Variants in DNAH3 observed in about 807,000 individuals in gnomAD.
The protein encoded by DNAH3 is axonemal beta dynein heavy chain 3.
In DNAH3, 332 loss-of-function variants were observed where a neutral mutation model predicts 432.5. The observed-to-expected ratio is 0.77, with a 90% CI of 0.70 to 0.84. The LOEUF (loss-of-function observed/expected upper bound fraction) is 0.84. Ranked by LOEUF, DNAH3 falls within the 40% of genes least tolerant of loss-of-function variation. The probability of loss-of-function intolerance (pLI) is 0.00; values close to 1 mark genes in which losing one functional copy is unlikely to be tolerated. For missense variants in DNAH3, 4,861 were observed against 5,114.0 expected, an observed-to-expected ratio of 0.95 and a Z score of 1.51; for synonymous variants, 1,956 against 1,900.2, an observed-to-expected ratio of 1.03 and a Z score of -0.76.
intron 15 of DNAH3, among the ~76,000 whole-genome samples, chr16:21,105,172 G>A (rs751752415): frequency 1.3e-5 from 2 of 152,138 alleles, no homozygotes; most frequent in Non-Finnish European, 1.5e-5. Flanking sequence ...GGCACAGCTC[G>A]TGAACATGCA....
At chr16:21,045,732 G>A (rs1247623167) in intron 31 of DNAH3, among the ~76,000 whole-genome samples, 3 of 151,486 alleles carry the variant, frequency 2.0e-5, no homozygotes, top group Non-Finnish European at 4.4e-5. Flanking sequence ...GAATGTGTTT[G>A]CTCTTGCTTT....
chr16:21,015,445 T>C (rs998715849), intron 41 of DNAH3, among the ~76,000 whole-genome samples: 4 of 152,218 alleles, frequency 2.6e-5, no homozygotes, highest in African/African-American at 9.6e-5. Context: ...TTTTGGGTTG[T>C]GTGAAACTAT....
chr16:21,068,446 C>T (rs1361342561), intron 23 of DNAH3, among the ~76,000 whole-genome samples: 1 of 151,926 alleles, frequency 6.6e-6, no homozygotes, highest in East Asian at 1.9e-4. Flanking sequence ...TTGGAATAGC[C>T]GGGATTACAG....
chr16:21,109,734 C>CA (rs2092027287), intron 14 of DNAH3, among the ~76,000 whole-genome samples: 1 of 143,634 alleles, frequency 7.0e-6, no homozygotes, highest in Admixed American at 7.0e-5. Flanking sequence ...ATACCTCTCT[C>CA]TTTTTTTTTT....
chr16:20,955,155 G>A, intron 54 of DNAH3, 98 bp from the exon 55 acceptor site: 1 of 1,251,712 alleles, frequency 8.0e-7, no homozygotes. Context: ...AAACAGACCA[G>A]CCTGGGTAAC....
chr16:21,102,197 G>A (rs2091854110), intron 16 of DNAH3, among the ~76,000 whole-genome samples: 1 of 152,156 alleles, frequency 6.6e-6, no homozygotes, highest in South Asian at 2.1e-4. Flanking sequence ...GGCCCCTGCT[G>A]TTAAGAGCTG....
chr16:20,975,452 C>T (rs770464495), intron 50 of DNAH3, 37 bp from the exon 51 acceptor site: 21 of 1,591,434 alleles, frequency 1.3e-5, no homozygotes, highest in Admixed American at 5.4e-5. Context: ...CCAGGGTCAG[C>T]ACTGAAAATG....
intron 5 of DNAH3, among the ~76,000 whole-genome samples, chr16:21,137,349 A>G (rs1343304338): frequency 2.0e-5 from 3 of 151,748 alleles, no homozygotes; most frequent in Admixed American, 1.3e-4. Flanking sequence ...GATCTCCTAC[A>G]AAACACTTTG....
At chr16:20,963,454 C>T (rs764895618) in exon 53 of DNAH3, 52 of 1,614,032 alleles carry the variant, frequency 3.2e-5, no homozygotes, top group Non-Finnish European at 3.9e-5. Context: ...CCGCAAACAT[C>T]GAAGGATCAC....
At chr16:21,104,405 G>T in intron 16 of DNAH3, 66 bp downstream of exon 16, 1 of 1,432,638 alleles carries the variant, frequency 7.0e-7, no homozygotes, top group Non-Finnish European at 9.8e-7. Context: ...GACAGAACCA[G>T]GAACCTGCAG....
At chr16:20,941,667 C>A in intron 58 of DNAH3, 124 bp from the exon 59 acceptor site, 1 of 1,244,026 alleles carries the variant, frequency 8.0e-7, no homozygotes, top group African/African-American at 1.5e-5. Flanking sequence ...CCTGAGAACT[C>A]TCCAACAGAA....
intron 24 of DNAH3, among the ~76,000 whole-genome samples, chr16:21,065,241 A>C (rs561860888): frequency 6.6e-6 from 1 of 151,720 alleles, no homozygotes; most frequent in Non-Finnish European, 1.5e-5. Context: ...GCTCACCACA[A>C]TCTCTGCCTC....
At chr16:21,033,833 A>G in intron 36 of DNAH3, 141 bp downstream of exon 36, 2 of 575,506 alleles carry the variant, frequency 3.5e-6, no homozygotes, top group Non-Finnish European at 6.2e-6. Context: ...GCTTGCAGAC[A>G]TCTGTGTGCC....
chr16:21,125,472 G>T, intron 8 of DNAH3, 102 bp from the exon 10 acceptor site: 1 of 889,008 alleles, frequency 1.1e-6, no homozygotes, highest in Non-Finnish European at 1.6e-6. Context: ...TGGGCTCAAT[G>T]TCCCACCAAG....
intron 47 of DNAH3, 67 bp from the exon 48 acceptor site, chr16:20,985,782 T>C (rs888505647): frequency 2.0e-6 from 3 of 1,513,872 alleles, no homozygotes; most frequent in East Asian, 2.3e-5. Flanking sequence ...AGGGACATCA[T>C]GGAGGGAGGG....
intron 24 of DNAH3, among the ~76,000 whole-genome samples, chr16:21,064,887 G>A (rs1243041931): frequency 1.3e-5 from 2 of 151,166 alleles, no homozygotes; most frequent in African/African-American, 4.9e-5. Flanking sequence ...GTGTGTGTGT[G>A]TGTGTGTGTG....
intron 35 of DNAH3, among the ~76,000 whole-genome samples, chr16:21,036,084 GGAGGCT>G (rs1488370124): frequency 6.6e-6 from 1 of 152,138 alleles, no homozygotes; most frequent in Non-Finnish European, 1.5e-5. Context: ...ATGGGATTTG[GGAGGCT>G]GAGGTGGGTG....
chr16:21,115,586 A>G (rs1316753860), intron 12 of DNAH3, among the ~76,000 whole-genome samples: 1 of 151,862 alleles, frequency 6.6e-6, no homozygotes, highest in Non-Finnish European at 1.5e-5. Context: ...ACATGCCTGT[A>G]GTCCCAACTA....
chr16:20,981,679 C>G (rs2085904679), intron 49 of DNAH3, among the ~76,000 whole-genome samples: 1 of 151,768 alleles, frequency 6.6e-6, no homozygotes, highest in Non-Finnish European at 1.5e-5. Flanking sequence ...GAGCCGAGAT[C>G]GCACCACTGC....
Sources: allele counts gnomAD v4.1 joint callset (sites outside exome capture counted in the v4.1 genomes callset), GRCh38; gene constraint gnomAD v4.1.1; transcripts MANE v1.5; gene names NCBI Gene and HGNC (gene_info 2026-07-23, HGNC 2026-07-21).